YWHAE: variants seen among roughly 807,000 people sequenced by gnomAD.
The protein encoded by YWHAE is 14-3-3 protein epsilon.
In YWHAE, 4 loss-of-function variants were observed where a neutral mutation model predicts 30.1. The observed-to-expected ratio is 0.13, with a 90% CI of 0.07 to 0.30. YWHAE has a LOEUF of 0.30. YWHAE is among the 10% of genes least tolerant of loss of function. The pLI is 1.00. For missense variants in YWHAE, 121 were observed against 315.9 expected (o/e 0.38, Z 4.68); for synonymous variants, 118 against 111.8 (o/e 1.06, Z -0.35).
At chr17:1,361,438 T>A in intron 3 of YWHAE, 140 bp from the exon 4 acceptor site, 1 of 635,926 alleles carries the variant, frequency 1.6e-6, no homozygotes, top group Non-Finnish European at 2.5e-6. Context: ...TCAATAATTT[T>A]AAACACTCTC....
At chr17:1,347,170 A>G (rs2072535717) in intron 5 of YWHAE, among the ~76,000 whole-genome samples, 1 of 50,542 alleles carries the variant, frequency 2.0e-5, no homozygotes, top group East Asian at 5.7e-4. Flanking sequence ...TACTAAAAAT[A>G]CAAAAAAAAA....
chr17:1,372,878 G>C (rs1291962045), intron 1 of YWHAE, among the ~76,000 whole-genome samples: 3 of 151,948 alleles, frequency 2.0e-5, no homozygotes, highest in Non-Finnish European at 2.9e-5. Context: ...GCTGGAGCCT[G>C]GGAGGTCAAG....
At chr17:1,396,118 TC>T in intron 1 of YWHAE, among the ~76,000 whole-genome samples, 1 of 151,178 alleles carries the variant, frequency 6.6e-6, no homozygotes, top group Middle Eastern at 3.4e-3. Context: ...AGACTCCGTC[TC>T]AAAAAAAAGA....
intron 2 of YWHAE, among the ~76,000 whole-genome samples, chr17:1,364,428 A>G (rs1435121053): frequency 3.3e-5 from 5 of 152,016 alleles, no homozygotes; most frequent in East Asian, 1.9e-4. Flanking sequence ...GGGTTTCACC[A>G]TGTTAGCCAG....
At chr17:1,357,238 C>T (rs2072763554) in intron 4 of YWHAE, among the ~76,000 whole-genome samples, 1 of 151,830 alleles carries the variant, frequency 6.6e-6, no homozygotes, top group Admixed American at 6.6e-5. Context: ...CCCATCTCTA[C>T]TAAAAATACC....
chr17:1,387,189 T>C (rs1410499641), intron 1 of YWHAE, among the ~76,000 whole-genome samples: 1 of 152,192 alleles, frequency 6.6e-6, no homozygotes. Context: ...GACACAAAGA[T>C]TAAAAAACAA....
At position 1,370,167 on chromosome 17, in the gene YWHAE, A is replaced by AC. The variant is rs553371985; in HGVS notation, c.65-5110dup. On this transcript the variant is annotated intron_variant, in intron 1 of 5. Coordinates refer to ENST00000264335, the MANE Select transcript of YWHAE (RefSeq NM_006761.5). ...TTTTGAGACGGAGTCTCGCTCTGTC[A>AC]CCAGGCTGGAGTGCCTGGGCGTGAT... Among the ~76,000 whole-genome samples, 269 of 119,944 alleles carry AC rather than the reference A, an allele frequency of 2.2e-3. 11 individuals carry two copies. In the East Asian group the frequency reaches 0.042, roughly 19 times the overall value. The allele number at this position is 119,944 out of a possible 152,430, so 78.7% of individuals were successfully genotyped here. A position where few individuals can be genotyped will look rare whatever the true frequency, so the allele number is the denominator to read the frequency against.
At chr17:1,358,491 G>A (rs931004175) in intron 4 of YWHAE, among the ~76,000 whole-genome samples, 3 of 151,330 alleles carry the variant, frequency 2.0e-5, no homozygotes, top group African/African-American at 2.4e-5. Flanking sequence ...TGCCCTCCTC[G>A]GCCTCCCAAA....
chr17:1,388,832 CTG>C (rs1207431972), intron 1 of YWHAE, among the ~76,000 whole-genome samples: 2 of 152,174 alleles, frequency 1.3e-5, no homozygotes, highest in African/African-American at 4.8e-5. Flanking sequence ...ACTGTCATAA[CTG>C]TCATACAACA....
chr17:1,374,890 G>C (rs189574543), intron 1 of YWHAE, among the ~76,000 whole-genome samples: 177 of 152,204 alleles, frequency 1.2e-3, no homozygotes, highest in African/African-American at 4.0e-3. Context: ...AACAGAAGTA[G>C]CATTGAGTCA....
intron 5 of YWHAE, among the ~76,000 whole-genome samples, chr17:1,349,336 C>G (rs996621757): frequency 1.3e-5 from 2 of 152,118 alleles, no homozygotes; most frequent in African/African-American, 4.8e-5. Flanking sequence ...AGTGATACTC[C>G]ATCTCAAAAA....
At chr17:1,370,322 G>C (rs151325371) in intron 1 of YWHAE, among the ~76,000 whole-genome samples, 16 of 151,116 alleles carry the variant, frequency 1.1e-4, no homozygotes, top group Admixed American at 7.3e-4. Context: ...TAGTAGAGGC[G>C]GGGTTTCACC....
intron 1 of YWHAE, among the ~76,000 whole-genome samples, chr17:1,393,721 C>T (rs962703634): frequency 6.6e-6 from 1 of 152,172 alleles, no homozygotes; most frequent in African/African-American, 2.4e-5. Flanking sequence ...GTTTGAGCCG[C>T]GGAACCCGGC....
intron 5 of YWHAE, among the ~76,000 whole-genome samples, chr17:1,349,668 C>T (rs2072589058): frequency 6.6e-6 from 1 of 151,192 alleles, no homozygotes; most frequent in African/African-American, 2.4e-5. Context: ...GGCTGGAGTG[C>T]AGTGGTGCTA....
chr17:1,367,260 A>G (rs1440582299), intron 1 of YWHAE, among the ~76,000 whole-genome samples: 1 of 152,202 alleles, frequency 6.6e-6, no homozygotes, highest in Non-Finnish European at 1.5e-5. Context: ...GGGGAAATGT[A>G]TAAGCACACT....
intron 1 of YWHAE, among the ~76,000 whole-genome samples, chr17:1,373,855 C>A (rs1283615395): frequency 2.0e-5 from 3 of 152,062 alleles, no homozygotes; most frequent in Admixed American, 1.3e-4. Context: ...TACCTACGAA[C>A]AGAGCCATAC....
At chr17:1,389,234 G>A (rs2073353832) in intron 1 of YWHAE, among the ~76,000 whole-genome samples, 1 of 152,054 alleles carries the variant, frequency 6.6e-6, no homozygotes, top group Non-Finnish European at 1.5e-5. Context: ...CCAAAGTATT[G>A]GAATTACAGG....
chr17:1,391,254 C>T (rs2073386175), intron 1 of YWHAE, among the ~76,000 whole-genome samples: 1 of 152,026 alleles, frequency 6.6e-6, no homozygotes, highest in African/African-American at 2.4e-5. Flanking sequence ...TTTCACTTTT[C>T]CTTTGACTTA....
intron 5 of YWHAE, among the ~76,000 whole-genome samples, chr17:1,352,657 CTGGGACTA>C (rs1412134172): frequency 1.3e-5 from 2 of 152,098 alleles, no homozygotes; most frequent in Non-Finnish European, 2.9e-5. Flanking sequence ...TCCTGAGTAG[CTGGGACTA>C]CAGGAGCCCG....
Sources: allele counts gnomAD v4.1 joint callset (sites outside exome capture counted in the v4.1 genomes callset), GRCh38; gene constraint gnomAD v4.1.1; transcripts MANE v1.5; gene names NCBI Gene and HGNC (gene_info 2026-07-23, HGNC 2026-07-21).